The following ALK variants were observed in gnomAD, a reference collection of about 807,000 sequenced individuals.
ALK encodes the protein ALK tyrosine kinase receptor.
In ALK, 74 loss-of-function variants were observed where a neutral mutation model predicts 163.1. The ratio of observed to expected loss-of-function variants is 0.45; its 90% CI spans 0.38 to 0.55. The LOEUF (loss-of-function observed/expected upper bound fraction) is 0.55, where lower values mean the gene tolerates loss of function less well. ALK is among the 20% of genes least tolerant of loss of function. ALK has a pLI of 0.00. For missense variants in ALK, 2,063 were observed against 2,105.3 expected (o/e 0.98, Z 0.39); for synonymous variants, 960 against 843.2 (o/e 1.14, Z -2.40).
intron 4 of ALK, among the ~76,000 whole-genome samples, chr2:29,473,175 G>T (rs1421811839): frequency 6.6e-6 from 1 of 152,194 alleles, no homozygotes; most frequent in Non-Finnish European, 1.5e-5. Flanking sequence ...AAACAGAGAA[G>T]TTTGTCTTCT....
At chr2:29,380,330 T>C (rs1164968484) in intron 5 of ALK, among the ~76,000 whole-genome samples, 2 of 151,924 alleles carry the variant, frequency 1.3e-5, no homozygotes, top group Non-Finnish European at 2.9e-5. Flanking sequence ...GGTCTTGATC[T>C]CTTGACCTCG....
chr2:29,888,261 TAAAAAAAGGGAAAC>T (rs1667044445), intron 1 of ALK, among the ~76,000 whole-genome samples: 1 of 145,696 alleles, frequency 6.9e-6, no homozygotes. Context: ...TTTTTTTTTT[TAAAAAAAGGGAAAC>T]TATGTATTAA....
At chr2:29,876,688 T>C (rs1222255504) in intron 1 of ALK, among the ~76,000 whole-genome samples, 1 of 137,100 alleles carries the variant, frequency 7.3e-6, no homozygotes, top group Non-Finnish European at 1.6e-5. Context: ...GATGGTGATA[T>C]GGTGATGGTA....
At chr2:29,520,886 G>A (rs1300985177) in intron 4 of ALK, among the ~76,000 whole-genome samples, 2 of 152,152 alleles carry the variant, frequency 1.3e-5, no homozygotes, top group African/African-American at 4.8e-5. Flanking sequence ...TGAGGCTGAA[G>A]ATTAACAGCC....
intron 1 of ALK, among the ~76,000 whole-genome samples, chr2:29,833,107 A>C (rs1237809108): frequency 1.3e-5 from 2 of 152,180 alleles, no homozygotes; most frequent in Non-Finnish European, 2.9e-5. Context: ...GTCAGGGGAC[A>C]AGACCTCCGG....
At chr2:29,371,945 G>C (rs898256012) in intron 5 of ALK, among the ~76,000 whole-genome samples, 2 of 152,200 alleles carry the variant, frequency 1.3e-5, no homozygotes, top group Non-Finnish European at 2.9e-5. Flanking sequence ...ACCACTCAGA[G>C]TGTGGGTAAT....
At chr2:29,750,416 AC>A (rs1016608300) in intron 1 of ALK, among the ~76,000 whole-genome samples, 2 of 152,014 alleles carry the variant, frequency 1.3e-5, no homozygotes, top group Non-Finnish European at 1.5e-5. Context: ...TAATTCAAGA[AC>A]CTTTGGAGGC....
intron 3 of ALK, among the ~76,000 whole-genome samples, chr2:29,648,296 C>T (rs868074801): frequency 6.6e-6 from 1 of 152,146 alleles, no homozygotes; most frequent in Non-Finnish European, 1.5e-5. Flanking sequence ...TCCTAATTCT[C>T]CCTTCCTAGA....
At chr2:29,851,550 G>A (rs1558518355) in intron 1 of ALK, among the ~76,000 whole-genome samples, 1 of 152,158 alleles carries the variant, frequency 6.6e-6, no homozygotes, top group African/African-American at 2.4e-5. Flanking sequence ...TTGTTCTCAA[G>A]CTTAGGTAGG....
chr2:29,608,540 G>A (rs1675601422), intron 3 of ALK, among the ~76,000 whole-genome samples: 1 of 152,188 alleles, frequency 6.6e-6, no homozygotes, highest in East Asian at 1.9e-4. Flanking sequence ...CATTTGTTGA[G>A]TCTCTCCTAA....
intron 6 of ALK, among the ~76,000 whole-genome samples, chr2:29,321,629 G>A (rs1328407119): frequency 6.6e-6 from 1 of 152,186 alleles, no homozygotes; most frequent in African/African-American, 2.4e-5. Context: ...TTGTTCCTAA[G>A]GGTGACACTA....
chr2:29,429,263 G>A (rs187697642), intron 4 of ALK, among the ~76,000 whole-genome samples: 30 of 151,870 alleles, frequency 2.0e-4, no homozygotes, highest in Admixed American at 1.7e-3. Flanking sequence ...GGGAAATTAG[G>A]CAAAAATATA....
chr2:29,257,242 GA>G (rs35496629), intron 11 of ALK, among the ~76,000 whole-genome samples: 139,636 of 150,430 alleles, frequency 0.93, 64,816 homozygotes, highest in East Asian at 1. Context: ...ATTTATGAAA[GA>G]AAAAAAAAAA....
At chr2:29,218,632 G>A (rs918964836) in intron 23 of ALK, among the ~76,000 whole-genome samples, 4 of 152,188 alleles carry the variant, frequency 2.6e-5, no homozygotes, top group African/African-American at 4.8e-5. Flanking sequence ...TCCTGCCCCC[G>A]AAGTCCTTGA....
chr2:29,719,826 C>T (rs975391956), intron 1 of ALK, among the ~76,000 whole-genome samples: 2 of 152,054 alleles, frequency 1.3e-5, no homozygotes, highest in African/African-American at 4.8e-5. Context: ...CTGGCAGGGC[C>T]CCCACGACAC....
chr2:29,208,388 G>T (rs1165459919), intron 25 of ALK, among the ~76,000 whole-genome samples: 1 of 152,160 alleles, frequency 6.6e-6, no homozygotes, highest in Non-Finnish European at 1.5e-5. Flanking sequence ...GCTGAGCCTG[G>T]GAAGGAAAAG....
chr2:29,763,566 C>CCACATT (rs141761546), intron 1 of ALK, among the ~76,000 whole-genome samples: 2,473 of 152,248 alleles, frequency 0.016, 65 homozygotes, highest in African/African-American at 0.055. Context: ...GGCTCAGCCC[C>CCACATT]CACATTTATG....
rs780454793 is a variant in ALK, at chr2:29,193,280, G to T, written c.4807C>A (p.His1603Asn). 1.2e-6 allele frequency: 2 copies of T among 1,614,122 alleles called. No homozygotes were observed. The highest frequency in any genetic ancestry group is 2.2e-5 in the South Asian group (2 of 91,044). Residue 1603 changes from histidine (H) to asparagine (N), a missense_variant, in exon 29 of 29, where the codon CAT becomes AAT. Coordinates refer to ENST00000389048, the MANE Select transcript of ALK (RefSeq NM_004304.5). ...LEAATAPGAG[H>N]YEDTILKSKN... ...CTTTTCAGAATGGTATCCTCGTAAT[G>T]ACCAGCTCCAGGGGCAGTAGCGGCT...
chr2:29,518,203 A>G (rs967166850), intron 4 of ALK, among the ~76,000 whole-genome samples: 3 of 152,240 alleles, frequency 2.0e-5, no homozygotes, highest in African/African-American at 7.2e-5. Flanking sequence ...ACAACAGTGC[A>G]GCTCATACTC....
Sources: allele counts gnomAD v4.1 joint callset (sites outside exome capture counted in the v4.1 genomes callset), GRCh38; gene constraint gnomAD v4.1.1; transcripts MANE v1.5; gene names NCBI Gene and HGNC (gene_info 2026-07-23, HGNC 2026-07-21).